Variants in MROH7 observed in about 807,000 individuals in gnomAD.
The protein encoded by MROH7 is maestro heat like repeat family member 7, also known as maestro heat-like repeat-containing protein family member 7.
Under a neutral mutation model 129.2 loss-of-function variants are expected in MROH7, and 113 were observed. That is an observed-to-expected ratio of 0.87 (90% CI 0.75 to 1.02). The LOEUF (loss-of-function observed/expected upper bound fraction) is 1.02, where lower values mean the gene tolerates loss of function less well. MROH7 is among the 50% of genes least tolerant of loss of function. The probability of loss-of-function intolerance (pLI) is 0.00; values close to 1 mark genes in which losing one functional copy is unlikely to be tolerated. For synonymous variants in MROH7, 655 were observed against 667.9 expected (o/e 0.98, Z 0.30); for missense variants, 1,601 against 1,671.3 (o/e 0.96, Z 0.73).
At chr1:54,674,209 T>G (rs1644948060) in intron 10 of MROH7, 58 bp downstream of exon 10, 1 of 1,566,860 alleles carries the variant, frequency 6.4e-7, no homozygotes, top group Non-Finnish European at 8.6e-7. Flanking sequence ...TCAGTCTGGA[T>G]TCAATAAAGA....
chr1:54,698,055 G>A (rs1324516099), intron 17 of MROH7: 5 of 220,508 alleles, frequency 2.3e-5, no homozygotes, highest in East Asian at 1.9e-4. Context: ...CATTAAAGCC[G>A]TGGCACTTTG....
rs989341129 is a variant in MROH7, at chr1:54,653,923, T to G, written c.997T>G (p.Ser333Ala). 1.9e-6 allele frequency: 3 copies of G among 1,614,002 alleles called. No homozygotes were observed. The African/African-American group carries it at 4.0e-5, about 22-fold the overall frequency. Residue 333 changes from serine (S) to alanine (A), a missense_variant, in exon 3 of 24, where the codon TCC becomes GCC. Physicochemically the swap from Ser to Ala is moderately conservative, Grantham distance 99 (BLOSUM62 1). Coordinates refer to ENST00000421030, the MANE Select transcript of MROH7 (RefSeq NM_001039464.4). ...PPSCMTLILG[S>A]NETLSLDSSL... ...CTCATGCATGACTCTAATCCTGGGT[T>G]CCAATGAGACTCTGAGCCTGGACTC...
intron 3 of MROH7, chr1:54,663,628 C>A (rs1418897151): frequency 8.4e-6 from 3 of 356,452 alleles, no homozygotes; most frequent in Non-Finnish European, 5.4e-6. Flanking sequence ...CCCTCTTTGG[C>A]CTCCCAAAGT....
intron 20 of MROH7, 106 bp from the exon 21 acceptor site, chr1:54,702,517 C>G: frequency 8.8e-7 from 1 of 1,136,800 alleles, no homozygotes; most frequent in Non-Finnish European, 1.2e-6. Flanking sequence ...AAATGGTCAG[C>G]TTCACTTGTA....
chr1:54,652,265 T>C (rs1449455335), intron 2 of MROH7, among the ~76,000 whole-genome samples: 1 of 152,164 alleles, frequency 6.6e-6, no homozygotes, highest in African/African-American at 2.4e-5. Context: ...AGCACCCCAA[T>C]CTTGCAAGGC....
intron 13 of MROH7, among the ~76,000 whole-genome samples, chr1:54,681,054 C>T (rs1358822342): frequency 2.0e-5 from 3 of 152,196 alleles, no homozygotes; most frequent in African/African-American, 7.2e-5. Flanking sequence ...TCAGGAGCTC[C>T]TCCTTGCGGG....
chr1:54,669,686 A>G (rs1172759), intron 5 of MROH7, among the ~76,000 whole-genome samples: 8,372 of 152,240 alleles, frequency 0.055, 806 homozygotes, highest in African/African-American at 0.19. Flanking sequence ...ACCACACCCA[A>G]CTAATTCTGT....
chr1:54,679,145 TC>T (rs1645027671), intron 11 of MROH7, 117 bp from the exon 12 acceptor site: 2 of 1,032,546 alleles, frequency 1.9e-6, no homozygotes, highest in African/African-American at 3.2e-5. Context: ...TTCCTGGCCC[TC>T]CCTGCTGACC....
rs2101117209 is a variant in MROH7 at position 54,674,361 on chromosome 1, T to C, written c.1936+210T>C. Reference sequence around the variant, plus strand: ...AAGGCTACAAACAAAACTATTTTGATTTAAGCAATCTTGCTTTTTCTCATC... The same window carrying C: ...AAGGCTACAAACAAAACTATTTTGACTTAAGCAATCTTGCTTTTTCTCATC... On this transcript the variant is annotated intron_variant, in intron 10 of 23. Transcript: ENST00000421030. Among the ~76,000 whole-genome samples the C allele has an allele frequency of 1.3e-5, 2 of 152,326 alleles. 1 individual carries two copies. Among genetic ancestry groups the C allele is most frequent in the South Asian group, 4.1e-4 (2 of 4,822 alleles).
chr1:54,673,225 G>A, intron 8 of MROH7, 39 bp downstream of exon 8: 1 of 1,503,218 alleles, frequency 6.7e-7, no homozygotes, highest in Non-Finnish European at 9.2e-7. Flanking sequence ...AGGGGAGGAA[G>A]GGTGGAGGGA....
At chr1:54,701,071 A>T (rs1391013893) in intron 18 of MROH7, 72 bp from the exon 19 acceptor site, 6 of 1,526,690 alleles carry the variant, frequency 3.9e-6, no homozygotes, top group Non-Finnish European at 5.4e-6. Context: ...ATTTCAGTGA[A>T]TCAGAGGCTG....
intron 1 of MROH7, among the ~76,000 whole-genome samples, chr1:54,642,241 C>T (rs779944329): frequency 6.6e-6 from 1 of 152,088 alleles, no homozygotes; most frequent in Non-Finnish European, 1.5e-5. Flanking sequence ...TGGGCCAGGC[C>T]CTGCGATCAT....
chr1:54,662,518 C>A (rs1644747742), intron 3 of MROH7, among the ~76,000 whole-genome samples: 1 of 151,220 alleles, frequency 6.6e-6, no homozygotes, highest in African/African-American at 2.4e-5. Context: ...GCCTAAGCAA[C>A]AGAGTGAGAC....
At chr1:54,661,507 A>T (rs2570769) in intron 3 of MROH7, among the ~76,000 whole-genome samples, 1 of 151,828 alleles carries the variant, frequency 6.6e-6, no homozygotes, top group Non-Finnish European at 1.5e-5. Flanking sequence ...CCACCACGTC[A>T]GGCCCTGTTC....
chr1:54,642,798 A>G (rs531601797), intron 1 of MROH7, among the ~76,000 whole-genome samples: 1 of 151,330 alleles, frequency 6.6e-6, no homozygotes, highest in Non-Finnish European at 1.5e-5. Flanking sequence ...TATTTTTTGT[A>G]GTGACGCGGT....
At chr1:54,708,417 A>AAAACAGAC (rs1645570472) in intron 22 of MROH7, among the ~76,000 whole-genome samples, 1 of 150,552 alleles carries the variant, frequency 6.6e-6, no homozygotes, top group African/African-American at 2.5e-5. Flanking sequence ...ACACTGTCTA[A>AAAACAGAC]AAACAAACAA....
Position 54,702,714 on chromosome 1 carries a change from A to C in MROH7, c.3533A>C (p.Gln1178Pro), listed in dbSNP as rs775673994. The C allele has an allele frequency of 1.2e-6, 2 of 1,613,674 alleles. No individual in the cohort carries two copies. The highest frequency in any genetic ancestry group is 2.2e-5 in the South Asian group (2 of 90,968). Residue 1178 changes from glutamine (Q) to proline (P), a missense_variant, in exon 21 of 24, where the codon CAG (glutamine) becomes CCG (proline). Physicochemically the swap from Gln to Pro is moderately conservative, Grantham distance 76. Transcript: ENST00000421030. ...AYSRKPWDNQQQTVAKICKCL... is the reference protein window; with the variant it reads ...AYSRKPWDNQPQTVAKICKCL... ...AGCCGGAAGCCCTGGGACAACCAAC[A>C]GCAGACAGTGGCCAAAATTTGCAAG...
intron 8 of MROH7, 33 bp from the exon 9 acceptor site, chr1:54,673,668 C>A: frequency 6.5e-7 from 1 of 1,536,220 alleles, no homozygotes; most frequent in Non-Finnish European, 9.0e-7. Flanking sequence ...GTCATCTAAC[C>A]TGTAGTTCTG....
At chr1:54,689,826 A>G (rs904528378) in intron 15 of MROH7, among the ~76,000 whole-genome samples, 2 of 152,188 alleles carry the variant, frequency 1.3e-5, no homozygotes, top group African/African-American at 4.8e-5. Flanking sequence ...CCTAGGCAAC[A>G]TGGCGAAACC....
Sources: gnomAD v4.1 joint callset for allele counts (sites outside exome capture counted in the v4.1 genomes callset) on GRCh38, gnomAD v4.1.1 for gene constraint, MANE v1.5 for transcripts, NCBI Gene and HGNC (gene_info 2026-07-23, HGNC 2026-07-21) for gene names.